Variants in PPP3CB observed in about 807,000 individuals in gnomAD.
PPP3CB encodes serine/threonine-protein phosphatase 2B catalytic subunit beta isoform.
Under a neutral mutation model 66.4 loss-of-function variants are expected in PPP3CB, and 8 were observed. The observed-to-expected ratio is 0.12, with a 90% confidence interval of 0.07 to 0.22. PPP3CB has a LOEUF of 0.22. Ranked by LOEUF, PPP3CB falls within the 10% of genes least tolerant of loss-of-function variation. The probability of loss-of-function intolerance (pLI) is 1.00; values close to 1 mark genes in which losing one functional copy is unlikely to be tolerated. For missense variants in PPP3CB, 319 were observed against 642.5 expected (o/e 0.50, Z 5.44); for synonymous variants, 208 against 221.2 (o/e 0.94, Z 0.53).
At chr10:73,440,443 A>G (rs923061555) in intron 12 of PPP3CB, among the ~76,000 whole-genome samples, 2 of 152,240 alleles carry the variant, frequency 1.3e-5, no homozygotes, top group Admixed American at 6.5e-5. Context: ...AAGGCAAAAC[A>G]TAAGCTGCAA....
At chr10:73,479,872 T>C (rs2056846348) in intron 1 of PPP3CB, among the ~76,000 whole-genome samples, 1 of 152,128 alleles carries the variant, frequency 6.6e-6, no homozygotes, top group African/African-American at 2.4e-5. Flanking sequence ...ACAATAAATA[T>C]AATTTAATGC....
chr10:73,444,459 G>C, intron 12 of PPP3CB: 1 of 940,732 alleles, frequency 1.1e-6, no homozygotes, highest in Non-Finnish European at 1.5e-6. Flanking sequence ...CAGACATTAT[G>C]ATATGAGCTG....
chr10:73,470,414 A>T (rs2056684870), intron 8 of PPP3CB, among the ~76,000 whole-genome samples: 1 of 152,212 alleles, frequency 6.6e-6, no homozygotes, highest in South Asian at 2.1e-4. Flanking sequence ...GGGGAGTTTG[A>T]GAAAATCATG....
At chr10:73,485,954 T>A (rs11498030) in intron 1 of PPP3CB, among the ~76,000 whole-genome samples, 7,297 of 87,854 alleles carry the variant, frequency 0.083, 601 homozygotes, top group African/African-American at 0.25. Flanking sequence ...GTGTGTGTAT[T>A]TTTTTTTTTC....
intron 9 of PPP3CB, among the ~76,000 whole-genome samples, chr10:73,461,671 C>T (rs2056523516): frequency 6.6e-6 from 1 of 152,088 alleles, no homozygotes; most frequent in Admixed American, 6.6e-5. Context: ...TTGGAGTTGG[C>T]ACTTTTCGGT....
chr10:73,484,128 G>A (rs2056930607), intron 1 of PPP3CB, among the ~76,000 whole-genome samples: 1 of 150,802 alleles, frequency 6.6e-6, no homozygotes. Context: ...GGGCAATAGA[G>A]ACTCTATCTC....
In PPP3CB at chr10:73,485,952, AT is replaced by A. The variant is rs1554826087; in HGVS notation, c.86-6436del. On this transcript the variant is annotated intron_variant, in intron 1 of 13. Transcript: ENST00000360663. ...TGTGTGTGTGTGTGTGTGTGTGTGT[AT>A]TTTTTTTTTTCAGATGCAGTCTTGC... Among the ~76,000 whole-genome samples the A allele has an allele frequency of 1.0e-3, 67 of 65,868 alleles. No homozygotes were observed. In the South Asian group the frequency reaches 0.021, roughly 20 times the overall value. 43.2% of individuals were successfully genotyped at this position (65,868 alleles called of 152,430 possible).
chr10:73,441,200 G>C (rs751540505), intron 12 of PPP3CB, among the ~76,000 whole-genome samples: 1 of 152,232 alleles, frequency 6.6e-6, no homozygotes, highest in Non-Finnish European at 1.5e-5. Flanking sequence ...AGTGAACTAA[G>C]TTAGAAAATG....
At chr10:73,441,771 A>G (rs2056153843) in intron 12 of PPP3CB, among the ~76,000 whole-genome samples, 1 of 152,228 alleles carries the variant, frequency 6.6e-6, no homozygotes, top group Non-Finnish European at 1.5e-5. Flanking sequence ...GCTCCCAATC[A>G]AATTTCCCAG....
intron 10 of PPP3CB, among the ~76,000 whole-genome samples, chr10:73,448,061 T>C (rs2056287046): frequency 6.6e-6 from 1 of 152,220 alleles, no homozygotes; most frequent in African/African-American, 2.4e-5. Flanking sequence ...GTAAGTCTGA[T>C]TCTCTTCTAA....
intron 9 of PPP3CB, among the ~76,000 whole-genome samples, chr10:73,455,417 T>C (rs78468448): frequency 0.047 from 7,100 of 152,318 alleles, 505 homozygotes; most frequent in African/African-American, 0.15. Flanking sequence ...TCTCTCTGCA[T>C]TATTATTCCT....
chr10:73,477,266 A>C (rs970906790), intron 3 of PPP3CB: 1 of 514,856 alleles, frequency 1.9e-6, no homozygotes, highest in African/African-American at 1.9e-5. Context: ...ATTTGACCCC[A>C]CAATTCTACC....
At chr10:73,462,998 A>G (rs1287402740) in intron 9 of PPP3CB, among the ~76,000 whole-genome samples, 1 of 151,332 alleles carries the variant, frequency 6.6e-6, no homozygotes, top group Non-Finnish European at 1.5e-5. Context: ...TGACATACTG[A>G]AAGGCCTAGA....
chr10:73,436,970 G>C lies in PPP3CB; in HGVS notation c.*1272C>G, dbSNP rs971160956. The C allele has an allele frequency of 5.9e-5, 9 of 152,798 alleles. No homozygotes were observed. The highest frequency in any genetic ancestry group is 2.2e-4 in the African/African-American group (9 of 41,596). 9.5% of individuals were successfully genotyped at this position (152,798 alleles called of 1,614,324 possible). The stretch of plus-strand genomic sequence containing the variant: ...GTTCCGCTGCCTGGAGCTCTGAGTT[G>C]TATTCCAGGGCATGAGGGAAGCAGG... On this transcript the variant is annotated 3_prime_UTR_variant, in exon 14 of 14. Coordinates refer to ENST00000360663, the MANE Select transcript of PPP3CB (RefSeq NM_021132.4).
intron 13 of PPP3CB, among the ~76,000 whole-genome samples, chr10:73,439,284 T>G (rs75396753): frequency 0.045 from 6,788 of 152,222 alleles, 458 homozygotes; most frequent in African/African-American, 0.15. Flanking sequence ...TGGCTGGGGC[T>G]ACAAACACTG....
At chr10:73,489,083 T>C (rs7083462) in intron 1 of PPP3CB, among the ~76,000 whole-genome samples, 6,792 of 152,288 alleles carry the variant, frequency 0.045, 460 homozygotes, top group African/African-American at 0.15. Context: ...ATTCCAATCT[T>C]TGCATCTAAC....
At chr10:73,442,463 C>G (rs555638270) in intron 12 of PPP3CB, among the ~76,000 whole-genome samples, 1 of 152,278 alleles carries the variant, frequency 6.6e-6, no homozygotes, top group African/African-American at 2.4e-5. Context: ...TGAGAGATGA[C>G]TATACTGTAG....
chr10:73,479,625 T>C, intron 1 of PPP3CB, 108 bp from the exon 2 acceptor site: 3 of 1,081,778 alleles, frequency 2.8e-6, no homozygotes, highest in African/African-American at 3.2e-5. Flanking sequence ...GGGATTTTTC[T>C]TTCTTCTTCA....
chr10:73,459,274 G>T (rs2132859238), intron 9 of PPP3CB, among the ~76,000 whole-genome samples: 1 of 152,306 alleles, frequency 6.6e-6, no homozygotes, highest in South Asian at 2.1e-4. Context: ...GGATCAGGAG[G>T]TCAGGAGATT....
Sources: allele counts gnomAD v4.1 joint callset (sites outside exome capture counted in the v4.1 genomes callset), GRCh38; gene constraint gnomAD v4.1.1; transcripts MANE v1.5; gene names NCBI Gene and HGNC (gene_info 2026-07-23, HGNC 2026-07-21).